Variants in CDH8 observed in about 807,000 individuals in gnomAD.
CDH8 encodes cadherin-8.
In CDH8, 17 loss-of-function variants were observed where a neutral mutation model predicts 68.1. The ratio of observed to expected loss-of-function variants is 0.25; its 90% CI spans 0.17 to 0.37. CDH8 has a LOEUF of 0.37. CDH8 is among the 10% of genes least tolerant of loss of function. The pLI, the probability that CDH8 is intolerant of heterozygous loss-of-function variation, is 1.00. For missense variants in CDH8, 763 were observed against 999.3 expected (o/e 0.76, Z 3.19); for synonymous variants, 372 against 365.1 (o/e 1.02, Z -0.21).
intron 8 of CDH8, among the ~76,000 whole-genome samples, chr16:61,745,093 A>G (rs765241409): frequency 1.7e-4 from 26 of 149,638 alleles, no homozygotes; most frequent in Non-Finnish European, 2.7e-4. Flanking sequence ...AATGCATTTT[A>G]TCAAGTTTTT....
intron 2 of CDH8, among the ~76,000 whole-genome samples, chr16:62,008,234 G>A (rs576742002): frequency 4.9e-4 from 74 of 152,210 alleles, no homozygotes; most frequent in African/African-American, 1.8e-3. Context: ...ACTGCGCCCA[G>A]CTTAGGTCCT....
chr16:62,028,517 A>G (rs921368501), intron 1 of CDH8, among the ~76,000 whole-genome samples: 5 of 152,120 alleles, frequency 3.3e-5, no homozygotes, highest in African/African-American at 1.2e-4. Flanking sequence ...TAGAGTCACA[A>G]GTTTATTCTT....
At chr16:61,867,461 G>A (rs1042692569) in intron 3 of CDH8, among the ~76,000 whole-genome samples, 8 of 152,098 alleles carry the variant, frequency 5.3e-5, no homozygotes, top group African/African-American at 1.9e-4. Context: ...GAATGCAGGA[G>A]GGGCAGATAA....
At chr16:62,022,501 C>T (rs1423552348) in intron 1 of CDH8, among the ~76,000 whole-genome samples, 1 of 152,078 alleles carries the variant, frequency 6.6e-6, no homozygotes, top group Non-Finnish European at 1.5e-5. Flanking sequence ...GTGTCAGATA[C>T]ATTTTTTGCT....
chr16:61,910,243 A>C (rs2143320589), intron 2 of CDH8, among the ~76,000 whole-genome samples: 1 of 152,120 alleles, frequency 6.6e-6, no homozygotes, highest in South Asian at 2.1e-4. Flanking sequence ...AAAGGTCTTA[A>C]AAATACATCA....
At chr16:61,832,526 C>T (rs1356747578) in intron 4 of CDH8, among the ~76,000 whole-genome samples, 1 of 151,734 alleles carries the variant, frequency 6.6e-6, no homozygotes, top group Non-Finnish European at 1.5e-5. Context: ...TACAACTGAT[C>T]AAGTGAATCA....
chr16:61,798,052 T>A (rs961698532), intron 7 of CDH8, among the ~76,000 whole-genome samples: 5 of 152,076 alleles, frequency 3.3e-5, no homozygotes, highest in Non-Finnish European at 7.4e-5. Context: ...CCAGAGTAAA[T>A]CCCACATTCA....
intron 10 of CDH8, among the ~76,000 whole-genome samples, chr16:61,701,694 A>G (rs940646133): frequency 6.6e-6 from 1 of 152,344 alleles, no homozygotes; most frequent in East Asian, 1.9e-4. Context: ...AAGGACATCC[A>G]TATAGAATTA....
intron 8 of CDH8, among the ~76,000 whole-genome samples, chr16:61,729,191 C>T (rs922595144): frequency 6.6e-6 from 1 of 151,044 alleles, no homozygotes; most frequent in African/African-American, 2.4e-5. Context: ...CTAAGTTAAG[C>T]ATCAACTTCA....
At chr16:62,030,975 A>C (rs1036105096) in intron 1 of CDH8, among the ~76,000 whole-genome samples, 2 of 152,188 alleles carry the variant, frequency 1.3e-5, no homozygotes, top group Non-Finnish European at 1.5e-5. Context: ...AATATATGAA[A>C]GAAAAAGAAG....
At chr16:61,921,268 A>G (rs1388637716) in intron 2 of CDH8, among the ~76,000 whole-genome samples, 1 of 148,398 alleles carries the variant, frequency 6.7e-6, no homozygotes, top group Non-Finnish European at 1.5e-5. Flanking sequence ...AATAATAATA[A>G]TAATAAAAGA....
chr16:61,779,197 C>T (rs1340262437), intron 8 of CDH8, among the ~76,000 whole-genome samples: 2 of 152,210 alleles, frequency 1.3e-5, no homozygotes, highest in East Asian at 1.9e-4. Flanking sequence ...CTATTCCACA[C>T]CATCACGTTC....
intron 2 of CDH8, among the ~76,000 whole-genome samples, chr16:61,943,454 G>A (rs1219543479): frequency 6.6e-6 from 1 of 152,164 alleles, no homozygotes; most frequent in East Asian, 1.9e-4. Context: ...TCCTTCTTTA[G>A]ATTAGTTTGG....
At chr16:61,755,622 G>A (rs1401989103) in intron 8 of CDH8, among the ~76,000 whole-genome samples, 2 of 151,828 alleles carry the variant, frequency 1.3e-5, no homozygotes, top group Non-Finnish European at 2.9e-5. Flanking sequence ...TGAGCCTATG[G>A]ATGATTTTGT....
chr16:61,713,909 T>C lies in CDH8; in HGVS notation c.1586A>G (p.His529Arg), dbSNP rs1964674853. 6.2e-7 allele frequency: 1 copy of C among 1,609,978 alleles called. No homozygotes were observed. The highest frequency in any genetic ancestry group is 8.5e-7 in the Non-Finnish European group (1 of 1,176,990). ...TGGAAGGAGACTGTATAAGAAATAA[T>C]GTCCGTTTTTGGGATCATCTTTGTC... ...AMDKDDPKNG[H>R]YFLYSLLPEM... The change falls in exon 10 of 12, where the codon CAT becomes CGT. Residue 529 changes from histidine to arginine, a missense_variant. By Grantham distance (29) the His-to-Arg change is conservative (BLOSUM62 0). Transcript: ENST00000577390.
chr16:61,746,835 C>T (rs527968736), intron 8 of CDH8, among the ~76,000 whole-genome samples: 7 of 152,170 alleles, frequency 4.6e-5, no homozygotes, highest in South Asian at 4.1e-4. Flanking sequence ...TCAGTCTATG[C>T]TTTTGCCACA....
intron 2 of CDH8, among the ~76,000 whole-genome samples, chr16:61,955,124 T>C (rs1964965030): frequency 6.6e-6 from 1 of 152,240 alleles, no homozygotes; most frequent in Admixed American, 6.5e-5. Context: ...CTGTAGACTA[T>C]TGATATTCAT....
At chr16:62,028,226 G>A (rs939493887) in intron 1 of CDH8, among the ~76,000 whole-genome samples, 4 of 151,772 alleles carry the variant, frequency 2.6e-5, no homozygotes, top group African/African-American at 4.8e-5. Flanking sequence ...CACAATGCCC[G>A]GCTAATTTTT....
At chr16:61,933,682 A>G (rs1202741380) in intron 2 of CDH8, among the ~76,000 whole-genome samples, 3 of 152,106 alleles carry the variant, frequency 2.0e-5, no homozygotes, top group South Asian at 2.1e-4. Flanking sequence ...TAATTAATCT[A>G]TGTGCCTGTT....
Sources: gnomAD v4.1 joint callset for allele counts (sites outside exome capture counted in the v4.1 genomes callset) on GRCh38, gnomAD v4.1.1 for gene constraint, MANE v1.5 for transcripts, NCBI Gene and HGNC (gene_info 2026-07-23, HGNC 2026-07-21) for gene names.